Variants in CAGE1 observed in about 807,000 individuals in gnomAD.
CAGE1 encodes the protein cancer-associated gene 1 protein.
A neutral mutation model predicts 94.9 loss-of-function variants in CAGE1; 66 were observed. The ratio of observed to expected loss-of-function variants is 0.70; its 90% CI spans 0.57 to 0.85. The LOEUF is 0.85. Ranked by LOEUF, CAGE1 falls within the 40% of genes least tolerant of loss-of-function variation. CAGE1 has a pLI of 0.00. For synonymous variants in CAGE1, 319 were observed against 321.0 expected (o/e 0.99, Z 0.07); for missense variants, 865 against 950.4 (o/e 0.91, Z 1.18).
In CAGE1 at chr6:7,346,004, C is replaced by A. The variant is rs529714253; in HGVS notation, c.2369+9037G>T. ...AAACTCTATTAAATTTTAGCAGAAT[C>A]AATAGACTAGCACCAATTTAAAAGA... On this transcript the variant is annotated intron_variant, in intron 11 of 13. Coordinates refer to ENST00000502583, the MANE Select transcript of CAGE1 (RefSeq NM_001170692.2). Among the ~76,000 whole-genome samples, 6 of 152,254 alleles carry A rather than the reference C, an allele frequency of 3.9e-5. No homozygotes were observed. The South Asian group carries it at 1.2e-3, about 32-fold the overall frequency.
intron 9 of CAGE1, among the ~76,000 whole-genome samples, chr6:7,357,615 G>A (rs1296193989): frequency 6.6e-6 from 1 of 151,902 alleles, no homozygotes; most frequent in Non-Finnish European, 1.5e-5. Flanking sequence ...TTATTTTAAA[G>A]GTAAAGGAAT....
intron 11 of CAGE1, among the ~76,000 whole-genome samples, chr6:7,334,421 G>T (rs544354742): frequency 1.3e-5 from 2 of 152,080 alleles, no homozygotes; most frequent in African/African-American, 4.8e-5. Context: ...TGATCCTGGG[G>T]GTAACATGTT....
intron 3 of CAGE1, 41 bp downstream of exon 3, chr6:7,385,744 A>T (rs1291257164): frequency 7.9e-6 from 10 of 1,268,462 alleles, no homozygotes; most frequent in Non-Finnish European, 9.8e-6. Flanking sequence ...CACAAAAAAA[A>T]GTTTCTCTCT....
intron 13 of CAGE1, chr6:7,329,298 T>G (rs1483658773): frequency 2.7e-6 from 1 of 374,048 alleles, no homozygotes; most frequent in African/African-American, 2.1e-5. Context: ...ATCGCTTGCT[T>G]AGAAAGCTGC....
At chr6:7,329,495 TG>T (rs1403488276) in intron 13 of CAGE1, among the ~76,000 whole-genome samples, 70 of 152,302 alleles carry the variant, frequency 4.6e-4, no homozygotes, top group Admixed American at 4.5e-3. Context: ...GAAAATATTT[TG>T]CTTTTGAAAG....
rs1759082730 is a variant in CAGE1 at position 7,339,339 on chromosome 6, A to C, written c.2370-5249T>G. The C allele has an allele frequency of 6.2e-7, 1 of 1,607,094 alleles. No individual in the cohort carries two copies. Among genetic ancestry groups the C allele is most frequent in the African/African-American group, 1.3e-5 (1 of 74,912 alleles). ...CTCTACACTGCCCTCTGGAGAGCCA[A>C]ACCTCTTCTGAACTACAGCAGTCAG... On this transcript the variant is annotated intron_variant, in intron 11 of 13. Transcript: ENST00000502583. This position sits in a 1 kb window ranked among gnomAD's most constrained non-coding sequence, Gnocchi z 4.7.
At chr6:7,358,027 G>GAT (rs55850429) in intron 9 of CAGE1, among the ~76,000 whole-genome samples, 1,708 of 47,442 alleles carry the variant, frequency 0.036, 52 homozygotes, top group Non-Finnish European at 0.046. Flanking sequence ...TAAGTTTTGA[G>GAT]ATATATATAT....
At chr6:7,341,442 T>G (rs1003809209) in intron 11 of CAGE1, 1 of 995,296 alleles carries the variant, frequency 1.0e-6, no homozygotes, top group South Asian at 1.3e-5. Flanking sequence ...ATCTCATCTA[T>G]GATCACATGT....
At chr6:7,331,249 A>G in intron 12 of CAGE1, 1 of 571,300 alleles carries the variant, frequency 1.8e-6, no homozygotes, top group Non-Finnish European at 2.9e-6. Flanking sequence ...TTACATCTGT[A>G]ATTAATATGA....
chr6:7,340,765 T>A, intron 11 of CAGE1: 1 of 302,676 alleles, frequency 3.3e-6, no homozygotes, highest in Non-Finnish European at 6.4e-6. Flanking sequence ...CCTGAGCAAG[T>A]GATGGGCTAG....
At chr6:7,340,944 T>G (rs1401019734) in intron 11 of CAGE1, 2 of 427,176 alleles carry the variant, frequency 4.7e-6, no homozygotes, top group East Asian at 1.1e-4. Context: ...TGGCTCCTTA[T>G]ACATACAGGC....
chr6:7,328,509 T>G (rs1369222919), intron 13 of CAGE1, among the ~76,000 whole-genome samples: 1 of 145,244 alleles, frequency 6.9e-6, no homozygotes, highest in East Asian at 1.9e-4. Context: ...ACATACCAAG[T>G]AGGAGAAGCT....
At chr6:7,328,227 T>A (rs542883541) in intron 13 of CAGE1, among the ~76,000 whole-genome samples, 2 of 152,206 alleles carry the variant, frequency 1.3e-5, no homozygotes, top group Non-Finnish European at 2.9e-5. Context: ...GTACCTTTTA[T>A]GAGATAGGTA....
intron 6 of CAGE1, 47 bp from the exon 7 acceptor site, chr6:7,368,845 G>T: frequency 8.3e-7 from 1 of 1,203,130 alleles, no homozygotes. Context: ...TTTTACTAAA[G>T]CTAAAATGAG....
At chr6:7,340,506 G>C (rs1265723368) in intron 11 of CAGE1, among the ~76,000 whole-genome samples, 1 of 152,128 alleles carries the variant, frequency 6.6e-6, no homozygotes, top group African/African-American at 2.4e-5. Flanking sequence ...GGGGCCCAGG[G>C]AGCTTCCTTT....
intron 3 of CAGE1, among the ~76,000 whole-genome samples, chr6:7,381,633 A>G (rs1293040872): frequency 1.3e-5 from 2 of 151,020 alleles, no homozygotes; most frequent in Non-Finnish European, 2.9e-5. Flanking sequence ...GGTTCAAGCA[A>G]TTCTCATGCC....
At chr6:7,346,692 G>GA (rs66469922) in intron 11 of CAGE1, among the ~76,000 whole-genome samples, 23,506 of 150,268 alleles carry the variant, frequency 0.16, 3,962 homozygotes, top group African/African-American at 0.43. Context: ...ACTGAAAAAA[G>GA]AAAAAAAAAT....
intron 11 of CAGE1, chr6:7,341,411 A>C (rs989167244): frequency 1.4e-4 from 123 of 909,392 alleles, no homozygotes; most frequent in Non-Finnish European, 6.3e-5. Context: ...TGGATTCATC[A>C]AAAACACAGA....
chr6:7,343,966 G>C (rs1308911129), intron 11 of CAGE1, among the ~76,000 whole-genome samples: 2 of 152,230 alleles, frequency 1.3e-5, no homozygotes, highest in Non-Finnish European at 2.9e-5. Flanking sequence ...CAGACAGCAC[G>C]TAATGTTGTT....
Sources: allele counts gnomAD v4.1 joint callset (sites outside exome capture counted in the v4.1 genomes callset), GRCh38; gene constraint gnomAD v4.1.1; non-coding constraint Gnocchi (gnomAD v3.1); transcripts MANE v1.5; gene names NCBI Gene and HGNC (gene_info 2026-07-23, HGNC 2026-07-21).